The following PHF21A variants were observed in gnomAD, a reference collection of about 807,000 sequenced individuals.
PHF21A encodes PHD finger protein 21A, also known as BHC80a.
In PHF21A, 11 loss-of-function variants were observed where a neutral mutation model predicts 82.5. The observed-to-expected ratio is 0.13, with a 90% CI of 0.08 to 0.22. The LOEUF (loss-of-function observed/expected upper bound fraction) is 0.22, where lower values mean the gene tolerates loss of function less well. Among genes scored for constraint, PHF21A ranks in the 10% least tolerant of loss-of-function variants. PHF21A has a pLI of 1.00. For synonymous variants in PHF21A, 297 were observed against 302.8 expected (o/e 0.98, Z 0.20); for missense variants, 579 against 837.8 (o/e 0.69, Z 3.81).
At chr11:46,103,523 T>C (rs915653362) in intron 1 of PHF21A, among the ~76,000 whole-genome samples, 1 of 152,180 alleles carries the variant, frequency 6.6e-6, no homozygotes, top group Non-Finnish European at 1.5e-5. Flanking sequence ...AGAAATGAGA[T>C]ACAATGTTTT....
intron 6 of PHF21A, among the ~76,000 whole-genome samples, chr11:46,046,751 C>T (rs987506836): frequency 6.6e-6 from 1 of 152,092 alleles, no homozygotes; most frequent in Non-Finnish European, 1.5e-5. Context: ...TGTAAACACA[C>T]TATAAAACCC....
chr11:45,992,943 G>A (rs2094767844), intron 6 of PHF21A, among the ~76,000 whole-genome samples: 1 of 152,178 alleles, frequency 6.6e-6, no homozygotes, highest in African/African-American at 2.4e-5. Flanking sequence ...TCAAGTGGTG[G>A]AGAAAGCAGT....
intron 6 of PHF21A, among the ~76,000 whole-genome samples, chr11:46,037,365 G>A (rs1328063439): frequency 6.6e-6 from 1 of 152,190 alleles, no homozygotes; most frequent in Non-Finnish European, 1.5e-5. Flanking sequence ...TGCTCGGCCT[G>A]GCACAGTGGC....
intron 6 of PHF21A, among the ~76,000 whole-genome samples, chr11:46,056,228 G>A (rs1486217782): frequency 6.6e-6 from 1 of 152,010 alleles, no homozygotes; most frequent in African/African-American, 2.4e-5. Flanking sequence ...TAGCAATTTT[G>A]TTTTCATTAA....
At chr11:46,004,955 T>C (rs959047788) in intron 6 of PHF21A, among the ~76,000 whole-genome samples, 3 of 152,196 alleles carry the variant, frequency 2.0e-5, no homozygotes, top group African/African-American at 7.2e-5. Flanking sequence ...GTTTACTTTT[T>C]CCCTTTACAA....
chr11:45,956,867 C>T (rs1017092134), intron 10 of PHF21A, among the ~76,000 whole-genome samples: 4 of 151,964 alleles, frequency 2.6e-5, no homozygotes, highest in Non-Finnish European at 5.9e-5. Flanking sequence ...ATTAAAAGAC[C>T]GACTGGCAGA....
intron 6 of PHF21A, among the ~76,000 whole-genome samples, chr11:46,000,924 A>AAAAT (rs534848999): frequency 0.015 from 2,253 of 151,758 alleles, 17 homozygotes; most frequent in Middle Eastern, 0.027. Context: ...CCGTCTCAAA[A>AAAAT]AAATAAATAA....
intron 15 of PHF21A, among the ~76,000 whole-genome samples, chr11:45,939,771 C>CAAAA (rs56931455): frequency 2.5e-4 from 15 of 60,374 alleles, no homozygotes; most frequent in South Asian, 6.6e-4. Context: ...GAACATAGCC[C>CAAAA]AAAAAAAAAA....
intron 6 of PHF21A, among the ~76,000 whole-genome samples, chr11:46,068,063 T>C (rs2096614888): frequency 1.3e-5 from 2 of 152,130 alleles, no homozygotes; most frequent in East Asian, 3.9e-4. Context: ...AGGCACAGTC[T>C]TGAGAGAGCC....
intron 6 of PHF21A, among the ~76,000 whole-genome samples, chr11:46,054,381 G>C (rs1031639789): frequency 6.6e-6 from 1 of 152,144 alleles, no homozygotes; most frequent in Non-Finnish European, 1.5e-5. Context: ...AAAATGCTAT[G>C]TCAAATTGGC....
chr11:45,965,289 A>G, intron 10 of PHF21A, 26 bp downstream of exon 10: 2 of 1,608,394 alleles, frequency 1.2e-6, no homozygotes, highest in Non-Finnish European at 8.5e-7. Context: ...GCTACTGCCC[A>G]GAGCAGGTAC....
chr11:45,939,286 T>C (rs1385699903), intron 15 of PHF21A, among the ~76,000 whole-genome samples: 1 of 152,166 alleles, frequency 6.6e-6, no homozygotes, highest in Non-Finnish European at 1.5e-5. Flanking sequence ...TTCATCAAAG[T>C]GTTTCACAAT....
intron 10 of PHF21A, among the ~76,000 whole-genome samples, chr11:45,962,687 T>A (rs1270503165): frequency 3.1e-4 from 1 of 3,222 alleles, no homozygotes; most frequent in Non-Finnish European, 1.2e-3. Flanking sequence ...AGGTCAGGAG[T>A]CTGAGACCAG....
At chr11:46,011,029 G>A (rs2095403628) in intron 6 of PHF21A, among the ~76,000 whole-genome samples, 2 of 151,966 alleles carry the variant, frequency 1.3e-5, no homozygotes, top group Non-Finnish European at 2.9e-5. Context: ...CAGAAAACAG[G>A]CATCTGCTTA....
chr11:45,986,075 T>C (rs1277852236), intron 6 of PHF21A, among the ~76,000 whole-genome samples: 1 of 13,672 alleles, frequency 7.3e-5, no homozygotes, highest in African/African-American at 1.6e-4. Flanking sequence ...GGGCTTATTC[T>C]TCCTTCAAAA....
intron 6 of PHF21A, among the ~76,000 whole-genome samples, chr11:45,988,052 G>C (rs1307750593): frequency 6.6e-6 from 1 of 152,302 alleles, no homozygotes; most frequent in South Asian, 2.1e-4. Context: ...CTAAATTGGA[G>C]GAGGGGAAAG....
chr11:46,069,512 G>A (rs200912466), intron 6 of PHF21A, among the ~76,000 whole-genome samples: 3 of 114,246 alleles, frequency 2.6e-5, no homozygotes, highest in Non-Finnish European at 4.6e-5. Flanking sequence ...AGAGGCTGGA[G>A]ATAGTCATAT....
At chr11:46,040,374 C>A (rs1413632042) in intron 6 of PHF21A, among the ~76,000 whole-genome samples, 2 of 152,044 alleles carry the variant, frequency 1.3e-5, no homozygotes, top group Non-Finnish European at 2.9e-5. Flanking sequence ...TTGGCACAGA[C>A]AATAAAAGTT....
intron 6 of PHF21A, among the ~76,000 whole-genome samples, chr11:45,992,334 C>T (rs2094734625): frequency 2.0e-5 from 3 of 151,110 alleles, no homozygotes; most frequent in Admixed American, 2.0e-4. Context: ...AGATCAAGAC[C>T]ATCCTGGCTA....
Sources: allele counts gnomAD v4.1 joint callset (sites outside exome capture counted in the v4.1 genomes callset), GRCh38; gene constraint gnomAD v4.1.1; transcripts MANE v1.5; gene names NCBI Gene and HGNC (gene_info 2026-07-23, HGNC 2026-07-21).